The following JAKMIP2 variants were observed in gnomAD, a reference collection of about 807,000 sequenced individuals.
JAKMIP2 encodes the protein janus kinase and microtubule interacting protein 2.
A neutral mutation model predicts 115.0 loss-of-function variants in JAKMIP2; 25 were observed. The ratio of observed to expected loss-of-function variants is 0.22; its 90% confidence interval spans 0.16 to 0.30. JAKMIP2 has a LOEUF of 0.30. Ranked by LOEUF, JAKMIP2 falls within the 10% of genes least tolerant of loss-of-function variation. The pLI is 1.00. For missense variants in JAKMIP2, 642 were observed against 957.6 expected (o/e 0.67, Z 4.35); for synonymous variants, 334 against 343.6 (o/e 0.97, Z 0.31).
intron 1 of JAKMIP2, among the ~76,000 whole-genome samples, chr5:147,746,033 T>C (rs1358091844): frequency 2.6e-5 from 4 of 152,188 alleles, no homozygotes; most frequent in Non-Finnish European, 1.5e-5. Flanking sequence ...GTGTTGAAGA[T>C]AGAAGTTTCC....
At chr5:147,638,212 C>T (rs77505589) in intron 10 of JAKMIP2, among the ~76,000 whole-genome samples, 7,033 of 151,940 alleles carry the variant, frequency 0.046, 527 homozygotes, top group African/African-American at 0.16. Flanking sequence ...CTTTTTCTAA[C>T]ATCTTTATTT....
chr5:147,642,968 A>G (rs1429061388), intron 7 of JAKMIP2, among the ~76,000 whole-genome samples: 1 of 152,028 alleles, frequency 6.6e-6, no homozygotes. Context: ...CCCAGCCTAC[A>G]TCTTTCTCCT....
intron 1 of JAKMIP2, among the ~76,000 whole-genome samples, chr5:147,696,756 A>C (rs1752122237): frequency 6.6e-6 from 1 of 152,186 alleles, no homozygotes. Flanking sequence ...CAAAATGCTG[A>C]TAGTGATGTG....
intron 20 of JAKMIP2, among the ~76,000 whole-genome samples, chr5:147,603,969 C>T (rs545790180): frequency 2.4e-4 from 36 of 152,008 alleles, no homozygotes; most frequent in African/African-American, 8.2e-4. Context: ...TGGGTATCAT[C>T]GAGTTTTGGG....
chr5:147,626,465 T>C (rs1205518004), intron 16 of JAKMIP2, among the ~76,000 whole-genome samples: 2 of 152,204 alleles, frequency 1.3e-5, no homozygotes, highest in Non-Finnish European at 2.9e-5. Context: ...CGTAAGATCA[T>C]GGGCTTTAGA....
At chr5:147,682,693 G>C (rs995945896) in intron 1 of JAKMIP2, among the ~76,000 whole-genome samples, 1 of 152,194 alleles carries the variant, frequency 6.6e-6, no homozygotes, top group African/African-American at 2.4e-5. Context: ...TTTCTACAGA[G>C]ACCATTTATA....
At chr5:147,618,866 C>T (rs1011754888) in intron 18 of JAKMIP2, among the ~76,000 whole-genome samples, 5 of 152,120 alleles carry the variant, frequency 3.3e-5, no homozygotes, top group Non-Finnish European at 7.4e-5. Flanking sequence ...ATACTGCCCC[C>T]GTTTTATTAA....
intron 1 of JAKMIP2, among the ~76,000 whole-genome samples, chr5:147,719,686 T>G (rs887892200): frequency 1.3e-5 from 2 of 151,000 alleles, no homozygotes; most frequent in African/African-American, 4.9e-5. Flanking sequence ...CCTTTTTTTG[T>G]TTTCCATTTG....
chr5:147,691,424 T>G (rs1462738415), intron 1 of JAKMIP2, among the ~76,000 whole-genome samples: 1 of 152,022 alleles, frequency 6.6e-6, no homozygotes, highest in Admixed American at 6.5e-5. Context: ...GGCCAAGGAT[T>G]TTTCATCTTC....
intron 1 of JAKMIP2, among the ~76,000 whole-genome samples, chr5:147,775,311 G>C (rs886603747): frequency 6.6e-6 from 1 of 152,168 alleles, no homozygotes; most frequent in Non-Finnish European, 1.5e-5. Flanking sequence ...TTTTTGAATG[G>C]AGATAGGATG....
chr5:147,737,239 G>A (rs1677767081), intron 1 of JAKMIP2, among the ~76,000 whole-genome samples: 1 of 152,136 alleles, frequency 6.6e-6, no homozygotes, highest in Non-Finnish European at 1.5e-5. Context: ...CCCTGTTCTA[G>A]TCTTGTTATA....
Position 147,644,847 on chromosome 5 carries a change from C to T in JAKMIP2, c.1083+3G>A, listed in dbSNP as rs967373028. ...GCAGTTTTGCAGAGTCTGTGATACA[C>T]ACCATTTCTGAATTTTCCTTGGTAA... On this transcript the variant is annotated splice_donor_region_variant and intron_variant, in intron 6 of 21. Transcript: ENST00000616793. 1.4e-5 allele frequency: 23 copies of T among 1,612,814 alleles called. No homozygotes were observed. The highest frequency in any genetic ancestry group is 1.8e-5 in the Non-Finnish European group (21 of 1,179,544).
At chr5:147,696,070 C>T (rs747556135) in intron 1 of JAKMIP2, among the ~76,000 whole-genome samples, 2 of 152,110 alleles carry the variant, frequency 1.3e-5, no homozygotes, top group Non-Finnish European at 2.9e-5. Context: ...AAGGTTAGGA[C>T]ATCATATCCC....
At chr5:147,721,618 GC>G (rs1437632782) in intron 1 of JAKMIP2, among the ~76,000 whole-genome samples, 5 of 152,258 alleles carry the variant, frequency 3.3e-5, no homozygotes, top group Admixed American at 6.5e-5. Flanking sequence ...TTTTCCAGGT[GC>G]CGTCAGTCAC....
chr5:147,716,354 A>G (rs1752995541), intron 1 of JAKMIP2, among the ~76,000 whole-genome samples: 1 of 144,036 alleles, frequency 6.9e-6, no homozygotes, highest in African/African-American at 2.6e-5. Flanking sequence ...CTTTGGGTAT[A>G]TACCCAGTAA....
chr5:147,776,005 T>C (rs1755540591), intron 1 of JAKMIP2, among the ~76,000 whole-genome samples: 1 of 152,142 alleles, frequency 6.6e-6, no homozygotes, highest in African/African-American at 2.4e-5. Flanking sequence ...ACGGGATATA[T>C]ACCTAGGGAA....
At chr5:147,642,060 T>C (rs1757904003) in intron 7 of JAKMIP2, among the ~76,000 whole-genome samples, 1 of 152,214 alleles carries the variant, frequency 6.6e-6, no homozygotes, top group Non-Finnish European at 1.5e-5. Flanking sequence ...TGAAAATAGT[T>C]ACTTATATTC....
rs1315651952 is a variant in JAKMIP2 at position 147,706,958 on chromosome 5, A to T, written c.-148-35004T>A. ...CAGTAAAGAATTGAAATTAGTATTT[A>T]GTTCTTTCTGCTGTCAAAGCTAATG... On this transcript the variant is annotated intron_variant, in intron 1 of 21. Coordinates refer to ENST00000616793, the MANE Select transcript of JAKMIP2 (RefSeq NM_001270941.2). Among the ~76,000 whole-genome samples the T allele has an allele frequency of 4.6e-5, 7 of 152,206 alleles. No individual in the cohort carries two copies. In the South Asian group the frequency reaches 1.4e-3, roughly 31 times the overall value.
intron 21 of JAKMIP2, chr5:147,595,570 T>C (rs1158226403): frequency 2.2e-6 from 1 of 454,490 alleles, no homozygotes; most frequent in South Asian, 1.6e-5. Context: ...TACTCATAAA[T>C]TACCTAGTCT....
Sources: gnomAD v4.1 joint callset for allele counts (sites outside exome capture counted in the v4.1 genomes callset) on GRCh38, gnomAD v4.1.1 for gene constraint, MANE v1.5 for transcripts, NCBI Gene and HGNC (gene_info 2026-07-23, HGNC 2026-07-21) for gene names.